The following SGCZ variants were observed in gnomAD, a reference collection of about 807,000 sequenced individuals.
SGCZ encodes the protein sarcoglycan zeta.
SGCZ carries 40 observed loss-of-function variants against 41.3 expected under a neutral mutation model. That is an observed-to-expected ratio of 0.97 (90% CI 0.75 to 1.26). The LOEUF (loss-of-function observed/expected upper bound fraction) is 1.26, where lower values mean the gene tolerates loss of function less well. Ranked by LOEUF, SGCZ falls within the 50% of genes most tolerant of loss-of-function variation. SGCZ has a pLI of 0.00. For missense variants in SGCZ, 552 were observed against 369.8 expected (o/e 1.49, Z -4.04); for synonymous variants, 206 against 137.5 (o/e 1.50, Z -3.49).
At chr8:14,133,751 T>C (rs1035932360) in intron 5 of SGCZ, among the ~76,000 whole-genome samples, 1 of 149,462 alleles carries the variant, frequency 6.7e-6, no homozygotes, top group Admixed American at 6.6e-5. Flanking sequence ...CAGTTTCTGC[T>C]TTTTTTTTAA....
intron 6 of SGCZ, 151 bp downstream of exon 6, chr8:14,108,012 C>T: frequency 4.5e-6 from 3 of 671,478 alleles, no homozygotes; most frequent in Non-Finnish European, 7.3e-6. Flanking sequence ...TTTTTTTTTC[C>T]ACATTCTTCC....
intron 1 of SGCZ, among the ~76,000 whole-genome samples, chr8:15,048,511 C>G (rs1259452485): frequency 6.6e-6 from 1 of 151,970 alleles, no homozygotes; most frequent in Non-Finnish European, 1.5e-5. Context: ...AGAAATGATA[C>G]ATGTTTGAGG....
intron 4 of SGCZ, among the ~76,000 whole-genome samples, chr8:14,217,197 G>A (rs1806026339): frequency 6.6e-6 from 1 of 150,582 alleles, no homozygotes; most frequent in East Asian, 2.0e-4. Context: ...TTGGGAGGCT[G>A]AGGCAGGAGA....
At chr8:14,255,626 T>C (rs1307071108) in intron 3 of SGCZ, among the ~76,000 whole-genome samples, 1 of 152,050 alleles carries the variant, frequency 6.6e-6, no homozygotes. Flanking sequence ...AATAAAAACA[T>C]AAATCATCCA....
chr8:15,155,997 G>T (rs547385897), intron 1 of SGCZ, among the ~76,000 whole-genome samples: 2 of 142,880 alleles, frequency 1.4e-5, no homozygotes, highest in African/African-American at 2.7e-5. Flanking sequence ...GGCAGAGGTT[G>T]CAGTGAGCCA....
At chr8:14,956,329 C>T (rs1308657842) in intron 1 of SGCZ, among the ~76,000 whole-genome samples, 1 of 152,130 alleles carries the variant, frequency 6.6e-6, no homozygotes. Context: ...TGAGCCACCA[C>T]ACCTGGCCTA....
intron 1 of SGCZ, among the ~76,000 whole-genome samples, chr8:15,102,032 A>G (rs1806635317): frequency 6.6e-6 from 1 of 152,306 alleles, no homozygotes; most frequent in East Asian, 1.9e-4. Flanking sequence ...CTAGCCTACC[A>G]TCTGATCCAG....
chr8:15,173,194 T>C (rs1263592864), intron 1 of SGCZ, among the ~76,000 whole-genome samples: 1 of 152,220 alleles, frequency 6.6e-6, no homozygotes, highest in Non-Finnish European at 1.5e-5. Context: ...TAAAATGTAT[T>C]GTAATAAAAA....
chr8:14,150,799 A>G (rs1231203472), intron 5 of SGCZ, among the ~76,000 whole-genome samples: 1 of 152,200 alleles, frequency 6.6e-6, no homozygotes. Flanking sequence ...ATGAATGGAT[A>G]AAGAAAATGT....
At chr8:14,637,575 G>GT (rs34312769) in intron 1 of SGCZ, among the ~76,000 whole-genome samples, 32,627 of 151,220 alleles carry the variant, frequency 0.22, 3,971 homozygotes, top group Non-Finnish European at 0.29. Flanking sequence ...TGCAGTATTT[G>GT]TTTTTTTTGT....
At chr8:15,230,186 A>T (rs1356854125) in intron 1 of SGCZ, among the ~76,000 whole-genome samples, 5 of 54,052 alleles carry the variant, frequency 9.3e-5, no homozygotes, top group Non-Finnish European at 1.8e-4. Flanking sequence ...GATACTAGTT[A>T]AAAAAAAAAA....
intron 1 of SGCZ, among the ~76,000 whole-genome samples, chr8:14,997,892 G>C (rs1462327977): frequency 6.6e-6 from 1 of 152,016 alleles, no homozygotes; most frequent in Non-Finnish European, 1.5e-5. Context: ...CCCGGGAGGC[G>C]GAGGTTGCAG....
At chr8:14,850,725 A>T (rs551554578) in intron 1 of SGCZ, among the ~76,000 whole-genome samples, 1 of 152,294 alleles carries the variant, frequency 6.6e-6, no homozygotes, top group South Asian at 2.1e-4. Context: ...GGGAGAGACC[A>T]GGTGGAGGTA....
intron 1 of SGCZ, among the ~76,000 whole-genome samples, chr8:14,927,814 A>G (rs1370431327): frequency 1.3e-5 from 2 of 152,024 alleles, no homozygotes; most frequent in Non-Finnish European, 2.9e-5. Context: ...GTCTGACCCT[A>G]TGTTTCTTCT....
chr8:14,085,963 A>G lies in SGCZ; in HGVS notation c.*4480T>C, dbSNP rs1348431048. Among the ~76,000 whole-genome samples, 1 of 151,770 alleles carries G rather than the reference A, an allele frequency of 6.6e-6. No homozygotes were observed. The highest frequency in any genetic ancestry group is 1.5e-5 in the Non-Finnish European group (1 of 67,804). On this transcript the variant is annotated 3_prime_UTR_variant, in exon 8 of 8. Coordinates refer to ENST00000382080, the MANE Select transcript of SGCZ (RefSeq NM_139167.4). ...AACAACTAATAAATTTCAGTATAAAACAACATGAATAACAGTGTTCAATTA... is the reference window on the plus strand; with the variant it reads ...AACAACTAATAAATTTCAGTATAAAGCAACATGAATAACAGTGTTCAATTA...
intron 3 of SGCZ, among the ~76,000 whole-genome samples, chr8:14,263,390 AAT>A (rs1380439504): frequency 6.6e-6 from 1 of 152,096 alleles, no homozygotes; most frequent in African/African-American, 2.4e-5. Context: ...CTCTACCAAA[AAT>A]ACAAAAATTA....
chr8:14,108,039 T>G (rs1307873782), intron 6 of SGCZ, 124 bp downstream of exon 6: 1 of 806,282 alleles, frequency 1.2e-6, no homozygotes, highest in East Asian at 2.7e-5. Flanking sequence ...ATATATTCAT[T>G]TTTGTATTTA....
intron 1 of SGCZ, among the ~76,000 whole-genome samples, chr8:15,029,425 C>T (rs535376567): frequency 3.4e-4 from 51 of 152,050 alleles, no homozygotes; most frequent in East Asian, 9.7e-4. Context: ...TGTGCATGTT[C>T]ATGCATGTGT....
At chr8:14,415,867 G>T (rs1245786260) in intron 2 of SGCZ, among the ~76,000 whole-genome samples, 4 of 151,858 alleles carry the variant, frequency 2.6e-5, no homozygotes, top group Admixed American at 2.0e-4. Context: ...GTGGCTAAAA[G>T]ACTTGGAACT....
Sources: gnomAD v4.1 joint callset for allele counts (sites outside exome capture counted in the v4.1 genomes callset) on GRCh38, gnomAD v4.1.1 for gene constraint, MANE v1.5 for transcripts, NCBI Gene and HGNC (gene_info 2026-07-23, HGNC 2026-07-21) for gene names.